The following PKHD1 variants were observed in gnomAD, a reference collection of about 807,000 sequenced individuals.
The protein encoded by PKHD1 is PKHD1 ciliary IPT domain containing fibrocystin/polyductin, also known as fibrocystin.
Under a neutral mutation model 412.0 loss-of-function variants are expected in PKHD1, and 291 were observed. That is an observed-to-expected ratio of 0.71 (90% CI 0.64 to 0.78). PKHD1 has a LOEUF of 0.78. PKHD1 is among the 30% of genes least tolerant of loss of function. PKHD1 has a pLI of 0.00. For synonymous variants in PKHD1, 1,777 were observed against 1,821.5 expected (o/e 0.98, Z 0.62); for missense variants, 4,825 against 4,950.7 (o/e 0.97, Z 0.76).
At chr6:51,758,203 T>C (rs1371278988) in intron 55 of PKHD1, among the ~76,000 whole-genome samples, 3 of 152,188 alleles carry the variant, frequency 2.0e-5, no homozygotes, top group Non-Finnish European at 4.4e-5. Flanking sequence ...CCAAACCTTA[T>C]GAGTTCATTA....
chr6:52,042,942 G>T lies in PKHD1; in HGVS notation c.3014C>A (p.Ala1005Asp), dbSNP rs1167032889. Residue 1005 changes from alanine (A) to aspartate (D), a missense_variant, in exon 27 of 67, where the codon GCC becomes GAC. Transcript: ENST00000371117. ...ILMLVRPSGL[A>D]ISATGEDLFL... ...GAGGTCTTCTCCAGTGGCACTGATG[G>T]CAAGACCAGAGGGTCTCACCAACAT... 6.2e-7 allele frequency: 1 copy of T among 1,613,764 alleles called. No homozygotes were observed. Among genetic ancestry groups the T allele is most frequent in the Admixed American group, 1.7e-5 (1 of 60,002 alleles).
chr6:52,083,377 G>A (rs1562307840), intron 2 of PKHD1, 122 bp from the exon 3 acceptor site: 1 of 737,168 alleles, frequency 1.4e-6, no homozygotes, highest in Non-Finnish European at 2.5e-6. Context: ...TTAAGCACAG[G>A]TGGTTGCACC....
rs560706028 is a variant in PKHD1, at chr6:51,831,790, C to T, written c.8174-801G>A. Among the ~76,000 whole-genome samples the T allele has an allele frequency of 4.6e-5, 7 of 152,258 alleles. No individual in the cohort carries two copies. The East Asian group carries it at 7.7e-4, about 17-fold the overall frequency. On this transcript the variant is annotated intron_variant, in intron 51 of 66. Coordinates refer to ENST00000371117, the MANE Select transcript of PKHD1 (RefSeq NM_138694.4). ...ATTGATTCTGCCTTTGATCGTCAAACGGCATTTTCTTTTCAACCATTCTGC... is the reference window on the plus strand; with the variant it reads ...ATTGATTCTGCCTTTGATCGTCAAATGGCATTTTCTTTTCAACCATTCTGC...
At chr6:51,657,709 T>C (rs546533227) in intron 61 of PKHD1, among the ~76,000 whole-genome samples, 25 of 152,108 alleles carry the variant, frequency 1.6e-4, no homozygotes, top group Non-Finnish European at 3.2e-4. Context: ...GCCCCACATA[T>C]ATGTGTGTAT....
At chr6:52,065,642 C>G (rs1469866797) in intron 12 of PKHD1, among the ~76,000 whole-genome samples, 1 of 152,146 alleles carries the variant, frequency 6.6e-6, no homozygotes, top group Non-Finnish European at 1.5e-5. Context: ...AGACAGCTAA[C>G]AAGGGAGAGT....
chr6:51,903,993 C>A lies in PKHD1; in HGVS notation c.6858G>T (p.Arg2286Ser), dbSNP rs1441166127. 6.4e-7 allele frequency: 1 copy of A among 1,574,604 alleles called. No individual in the cohort carries two copies. Among genetic ancestry groups the A allele is most frequent in the Non-Finnish European group, 8.7e-7 (1 of 1,144,278 alleles). Residue 2286 changes from arginine to serine, a missense_variant, in exon 42 of 67, where the codon AGG becomes AGT. Arg to Ser is a moderately radical substitution (Grantham distance 110, BLOSUM62 -1). Transcript: ENST00000371117. Reference sequence around the variant, plus strand: ...ATCAATTTACATATTTACCATCTTTCCTTCCATGAATTGCCTCCCAGGAGA... The same window carrying A: ...ATCAATTTACATATTTACCATCTTTACTTCCATGAATTGCCTCCCAGGAGA... ...RYISWEAIHGRKDDWSGHGNI... is the reference protein window; with the variant it reads ...RYISWEAIHGSKDDWSGHGNI...
rs551971325 is a variant in PKHD1, at chr6:51,642,718, T to C, written c.11399-3762A>G. Among the ~76,000 whole-genome samples, 25 of 152,230 alleles carry C rather than the reference T, an allele frequency of 1.6e-4. No homozygotes were observed. In the South Asian group the frequency reaches 5.0e-3, roughly 30 times the overall value. On this transcript the variant is annotated intron_variant, in intron 63 of 66. Transcript: ENST00000371117. ...AGCCAGGTGTGGTGGTGGGCACCTGTAATCCCAGCTACTCAGGAGGCTAAG... is the reference window on the plus strand; with the variant it reads ...AGCCAGGTGTGGTGGTGGGCACCTGCAATCCCAGCTACTCAGGAGGCTAAG...
intron 52 of PKHD1, among the ~76,000 whole-genome samples, chr6:51,801,426 C>T (rs1762891353): frequency 6.6e-6 from 1 of 152,234 alleles, no homozygotes; most frequent in Non-Finnish European, 1.5e-5. Flanking sequence ...CTTTCTATAA[C>T]TAAACTCTTT....
chr6:52,072,561 C>G (rs2128232531), intron 7 of PKHD1, among the ~76,000 whole-genome samples: 2 of 152,246 alleles, frequency 1.3e-5, no homozygotes, highest in African/African-American at 4.8e-5. Context: ...TGGCACATTC[C>G]CAAGGATGTA....
intron 60 of PKHD1, among the ~76,000 whole-genome samples, chr6:51,723,166 G>C (rs1036887668): frequency 3.3e-5 from 5 of 152,178 alleles, no homozygotes; most frequent in Admixed American, 1.3e-4. Context: ...GTCAGAATCT[G>C]ATGTGATAGT....
At position 51,616,682 on chromosome 6, in the gene PKHD1, A is replaced by C. The variant is rs934170547; in HGVS notation, c.*2399T>G. 52 of 398,496 alleles carry C rather than the reference A, an allele frequency of 1.3e-4. No individual in the cohort carries two copies. The Middle Eastern group carries it at 1.9e-3, about 14-fold the overall frequency. 24.7% of individuals were successfully genotyped at this position (398,496 alleles called of 1,614,324 possible). A position where few individuals can be genotyped will look rare whatever the true frequency, so the allele number is the denominator to read the frequency against. ...GGCCCAAAGAGTCAATTCTGGCCTC[A>C]GGGATCACAGGCTTTTCTGGGATGG... On this transcript the variant is annotated 3_prime_UTR_variant, in exon 67 of 67. Transcript: ENST00000371117.
intron 52 of PKHD1, among the ~76,000 whole-genome samples, chr6:51,796,073 G>A (rs950211657): frequency 2.0e-5 from 3 of 152,216 alleles, no homozygotes; most frequent in African/African-American, 7.2e-5. Flanking sequence ...AATAGTTTCA[G>A]TAGGAATAGT....
intron 37 of PKHD1, among the ~76,000 whole-genome samples, chr6:51,930,623 CA>C (rs1449825194): frequency 1.3e-5 from 2 of 152,180 alleles, no homozygotes; most frequent in Non-Finnish European, 2.9e-5. Flanking sequence ...GACTGACATG[CA>C]GACCATTTGT....
intron 1 of PKHD1, among the ~76,000 whole-genome samples, chr6:52,086,424 T>G (rs976480591): frequency 1.3e-5 from 2 of 152,084 alleles, no homozygotes; most frequent in African/African-American, 4.8e-5. Context: ...TAATTTATAT[T>G]TTTAAGAAAA....
chr6:51,701,279 G>A (rs924052522), intron 60 of PKHD1, among the ~76,000 whole-genome samples: 9 of 151,990 alleles, frequency 5.9e-5, no homozygotes, highest in African/African-American at 2.2e-4. Flanking sequence ...TATTAAACTA[G>A]AATTAAGCAA....
chr6:51,641,684 C>A (rs900650488), intron 63 of PKHD1, among the ~76,000 whole-genome samples: 1 of 152,146 alleles, frequency 6.6e-6, no homozygotes, highest in African/African-American at 2.4e-5. Context: ...AAATGTGGCA[C>A]ATATACACTA....
chr6:51,666,075 A>G (rs576802840), intron 60 of PKHD1, among the ~76,000 whole-genome samples: 4 of 152,276 alleles, frequency 2.6e-5, no homozygotes, highest in Admixed American at 2.6e-4. Context: ...ATGTTTGTGG[A>G]CTGAGAAGAT....
chr6:52,038,225 C>CA (rs1455928204), intron 27 of PKHD1, among the ~76,000 whole-genome samples: 1 of 151,864 alleles, frequency 6.6e-6, no homozygotes. Context: ...ACTAAAATTA[C>CA]AAAAAATTAG....
At chr6:51,928,851 T>C (rs1786119854) in intron 37 of PKHD1, among the ~76,000 whole-genome samples, 1 of 152,136 alleles carries the variant, frequency 6.6e-6, no homozygotes, top group African/African-American at 2.4e-5. Flanking sequence ...GACAGTCACG[T>C]CTAAGGCCAT....
Sources: allele counts gnomAD v4.1 joint callset (sites outside exome capture counted in the v4.1 genomes callset), GRCh38; gene constraint gnomAD v4.1.1; transcripts MANE v1.5; gene names NCBI Gene and HGNC (gene_info 2026-07-23, HGNC 2026-07-21).